ZFHX3: variants seen among roughly 807,000 people sequenced by gnomAD.
The protein encoded by ZFHX3 is zinc finger homeobox 3.
Under a neutral mutation model 279.1 loss-of-function variants are expected in ZFHX3, and 42 were observed. That is an observed-to-expected ratio of 0.15 (90% CI 0.12 to 0.19). The LOEUF is 0.19. ZFHX3 is among the 10% of genes least tolerant of loss of function. The pLI, the probability that ZFHX3 is intolerant of heterozygous loss-of-function variation, is 1.00. For synonymous variants in ZFHX3, 2,293 were observed against 1,957.8 expected (o/e 1.17, Z -4.52); for missense variants, 4,981 against 4,754.0 (o/e 1.05, Z -1.40).
rs1485347264 is a variant in ZFHX3 at position 72,904,366 on chromosome 16, CAAAA to C, written c.3217-14408_3217-14405del. 1.3e-3 allele frequency among the ~76,000 whole-genome samples: 172 copies of C among 132,260 alleles called. 2 individuals carry two copies. The South Asian group carries it at 0.018, about 14-fold the overall frequency. The allele number at this position is 132,260 out of a possible 152,430, so 86.8% of individuals were successfully genotyped here. A position where few individuals can be genotyped will look rare whatever the true frequency, so the allele number is the denominator to read the frequency against. ...CTGGCAACAGAGTGAGATTCTGTCT[CAAAA>C]TAAATAAATAAATAAATAAATAAAT... On this transcript the variant is annotated intron_variant, in intron 3 of 9. Coordinates refer to ENST00000268489, the MANE Select transcript of ZFHX3 (RefSeq NM_006885.4).
chr16:73,662,223 C>A (rs1339363985), intron 2 of ZFHX3, among the ~76,000 whole-genome samples: 1 of 152,172 alleles, frequency 6.6e-6, no homozygotes. Flanking sequence ...TACTAAATAG[C>A]ATTATAACCA....
intron 2 of ZFHX3, among the ~76,000 whole-genome samples, chr16:73,656,218 AATC>A (rs1299537102): frequency 1.3e-5 from 2 of 152,326 alleles, no homozygotes; most frequent in South Asian, 2.1e-4. Flanking sequence ...CTGCCACAGA[AATC>A]ATGTGGTCCA....
At chr16:73,148,531 C>A (rs912237382) in intron 5 of ZFHX3, among the ~76,000 whole-genome samples, 2 of 142,342 alleles carry the variant, frequency 1.4e-5, no homozygotes, top group Non-Finnish European at 3.0e-5. Context: ...GCCGCAAATG[C>A]GCCTTCGTCT....
chr16:73,274,762 C>A (rs2014245860), intron 4 of ZFHX3, among the ~76,000 whole-genome samples: 1 of 152,182 alleles, frequency 6.6e-6, no homozygotes, highest in African/African-American at 2.4e-5. Flanking sequence ...TCCCTACCTC[C>A]TCCCTGAAGA....
At chr16:73,718,744 T>A (rs2053443141) in intron 1 of ZFHX3, among the ~76,000 whole-genome samples, 1 of 151,792 alleles carries the variant, frequency 6.6e-6, no homozygotes, top group African/African-American at 2.4e-5. Context: ...GCCTTCTGAG[T>A]AGCTGGGACT....
At chr16:72,889,308 C>A (rs2038708464) in intron 4 of ZFHX3, among the ~76,000 whole-genome samples, 1 of 152,018 alleles carries the variant, frequency 6.6e-6, no homozygotes, top group African/African-American at 2.4e-5. Flanking sequence ...TAATACTGGG[C>A]AGGACACACG....
At chr16:72,860,710 G>A (rs576287071) in intron 4 of ZFHX3, among the ~76,000 whole-genome samples, 34 of 152,264 alleles carry the variant, frequency 2.2e-4, no homozygotes, top group Non-Finnish European at 4.4e-4. Context: ...GATTACAGGT[G>A]TCAGCTACCA....
At chr16:73,104,458 G>C (rs1213725972) in intron 7 of ZFHX3, among the ~76,000 whole-genome samples, 1 of 152,128 alleles carries the variant, frequency 6.6e-6, no homozygotes, top group East Asian at 1.9e-4. Flanking sequence ...CTCAACTCCT[G>C]GCCTCAAGTG....
chr16:72,818,388 G>T (rs2036676018), intron 5 of ZFHX3, among the ~76,000 whole-genome samples: 1 of 152,176 alleles, frequency 6.6e-6, no homozygotes, highest in South Asian at 2.1e-4. Flanking sequence ...CAGAGGACAG[G>T]CTGGGCTTTC....
intron 3 of ZFHX3, among the ~76,000 whole-genome samples, chr16:73,346,439 C>T (rs1288928948): frequency 6.6e-6 from 1 of 152,144 alleles, no homozygotes; most frequent in Non-Finnish European, 1.5e-5. Context: ...ACAGATTGGC[C>T]AAAACAGCTA....
intron 3 of ZFHX3, among the ~76,000 whole-genome samples, chr16:72,945,373 C>CAA (rs563147804): frequency 6.6e-6 from 1 of 152,138 alleles, no homozygotes; most frequent in Non-Finnish European, 1.5e-5. Context: ...CAAGAGCTGT[C>CAA]AGAGTCAGCC....
chr16:73,180,918 C>A (rs990408949), intron 5 of ZFHX3, among the ~76,000 whole-genome samples: 1 of 152,178 alleles, frequency 6.6e-6, no homozygotes, highest in Non-Finnish European at 1.5e-5. Flanking sequence ...CCGCCTTGGC[C>A]GCCCAAAGTG....
At chr16:73,285,620 AT>A (rs1448867592) in intron 4 of ZFHX3, among the ~76,000 whole-genome samples, 1 of 152,166 alleles carries the variant, frequency 6.6e-6, no homozygotes, top group African/African-American at 2.4e-5. Context: ...TGAAATGCAT[AT>A]TTTTTGACAT....
At chr16:73,194,507 C>T (rs943005616) in intron 5 of ZFHX3, among the ~76,000 whole-genome samples, 1 of 152,162 alleles carries the variant, frequency 6.6e-6, no homozygotes, top group Admixed American at 6.5e-5. Flanking sequence ...ACCTTATTGC[C>T]TTCTTACTTG....
At chr16:73,282,897 C>T (rs2014492740) in intron 4 of ZFHX3, among the ~76,000 whole-genome samples, 1 of 152,118 alleles carries the variant, frequency 6.6e-6, no homozygotes, top group Non-Finnish European at 1.5e-5. Flanking sequence ...CAATTTTATT[C>T]ATTCAATATT....
At chr16:73,437,180 A>G (rs541914449) in intron 3 of ZFHX3, among the ~76,000 whole-genome samples, 1 of 152,250 alleles carries the variant, frequency 6.6e-6, no homozygotes, top group Admixed American at 6.5e-5. Flanking sequence ...AAAGGCAAAA[A>G]CCGCAATTGC....
chr16:73,770,790 A>G (rs1288269237), intron 1 of ZFHX3, among the ~76,000 whole-genome samples: 2 of 152,202 alleles, frequency 1.3e-5, no homozygotes, highest in African/African-American at 4.8e-5. Context: ...TGAAGCTACA[A>G]TCTGTATCTG....
At chr16:72,980,130 T>TTG (rs1315159317) in intron 1 of ZFHX3, among the ~76,000 whole-genome samples, 1 of 152,090 alleles carries the variant, frequency 6.6e-6, no homozygotes, top group Non-Finnish European at 1.5e-5. Flanking sequence ...CCACAGGGTG[T>TTG]TGGTGGTTTG....
intron 3 of ZFHX3, among the ~76,000 whole-genome samples, chr16:72,906,429 T>C (rs1238179679): frequency 6.6e-6 from 1 of 151,842 alleles, no homozygotes; most frequent in African/African-American, 2.4e-5. Flanking sequence ...TCCAGACAGA[T>C]GATAGTTTAC....
Sources: allele counts gnomAD v4.1 joint callset (sites outside exome capture counted in the v4.1 genomes callset), GRCh38; gene constraint gnomAD v4.1.1; transcripts MANE v1.5; gene names NCBI Gene and HGNC (gene_info 2026-07-23, HGNC 2026-07-21).